Variants in RSPH14 observed in about 807,000 individuals in gnomAD.
RSPH14 encodes the protein rhabdoid tumor deletion region gene 1.
In RSPH14, 20 loss-of-function variants were observed where a neutral mutation model predicts 26.7. The observed-to-expected ratio is 0.75, with a 90% confidence interval of 0.53 to 1.09. The LOEUF is 1.09. Ranked by LOEUF, RSPH14 falls within the 50% of genes least tolerant of loss-of-function variation. The pLI, the probability that RSPH14 is intolerant of heterozygous loss-of-function variation, is 0.00. For synonymous variants in RSPH14, 177 were observed against 189.3 expected, an observed-to-expected ratio of 0.93 and a Z score of 0.53; for missense variants, 449 against 457.2, an observed-to-expected ratio of 0.98 and a Z score of 0.16.
chr22:23,064,278 C>G (rs1386389806), intron 4 of RSPH14, 145 bp from the exon 5 acceptor site: 1 of 714,416 alleles, frequency 1.4e-6, no homozygotes. Context: ...CCCACACACA[C>G]GTCCCGCCTG....
At chr22:23,142,397 C>A (rs2070620718), upstream of RSPH14, among the ~76,000 whole-genome samples, 1 of 152,078 alleles carries the variant, frequency 6.6e-6, no homozygotes, top group Non-Finnish European at 1.5e-5. Context: ...CTCACTGCAA[C>A]CTCCGCTCCA....
intron 4 of RSPH14, among the ~76,000 whole-genome samples, chr22:23,112,262 C>G (rs2069677811): frequency 6.6e-6 from 1 of 152,248 alleles, no homozygotes; most frequent in Admixed American, 6.5e-5. Flanking sequence ...GCCCCAGGCC[C>G]TGCCTGGGGG....
At position 23,117,850 on chromosome 22, in the gene RSPH14, C is replaced by G. The variant is rs117189542; in HGVS notation, c.421+16176G>C. Among the ~76,000 whole-genome samples, 318 of 152,334 alleles carry G rather than the reference C, an allele frequency of 2.1e-3. 5 individuals carry two copies. In the East Asian group the frequency reaches 0.043, roughly 20 times the overall value. On this transcript the variant is annotated intron_variant, in intron 4 of 6. Transcript: ENST00000216036. ...TGCCCCTTTGTGTCACCAGGAGAAC[C>G]TTGGTGGAGAATCAGGAGTGAGAGG... is the stretch of plus-strand genomic sequence containing the variant.
At chr22:23,123,109 G>A (rs1221941233) in intron 4 of RSPH14, 6 of 1,613,170 alleles carry the variant, frequency 3.7e-6, no homozygotes, top group East Asian at 2.2e-5. Flanking sequence ...GAGAGCTTGC[G>A]CCTCTTTGAC....
intron 4 of RSPH14, chr22:23,096,492 G>T: frequency 1.4e-6 from 2 of 1,431,526 alleles, no homozygotes; most frequent in Non-Finnish European, 1.9e-6. Flanking sequence ...GACTCGTGAG[G>T]TCCAGGACAG....
At chr22:23,146,657 G>A (rs765726662), upstream of RSPH14, 25 of 1,614,024 alleles carry the variant, frequency 1.5e-5, no homozygotes, top group South Asian at 6.6e-5. Flanking sequence ...CCTGTGAGCC[G>A]CGACCGTGTC....
At chr22:23,150,748 C>G in the RSPH14 span, among the ~76,000 whole-genome samples, 1 of 152,214 alleles carries the variant, frequency 6.6e-6, no homozygotes, top group Non-Finnish European at 1.5e-5. Flanking sequence ...CTAATCCCCT[C>G]GCTTCCCCTT....
In RSPH14 at chr22:23,130,071, GA is replaced by G. The variant is rs1193077180; in HGVS notation, c.421+3954del. On this transcript the variant is annotated intron_variant, in intron 4 of 6. Coordinates refer to ENST00000216036, the MANE Select transcript of RSPH14 (RefSeq NM_014433.3). Reference sequence around the variant, plus strand: ...AGAAAGAGAAAGAAAAAGAAAGAAAGAAAGAAAGAAAGGAAGAAAGAAAGAA... The same window carrying G: ...AGAAAGAGAAAGAAAAAGAAAGAAAGAAGAAAGAAAGGAAGAAAGAAAGAA... Among the ~76,000 whole-genome samples the G allele has an allele frequency of 3.9e-3, 113 of 28,858 alleles. 2 individuals are homozygous for G. Among genetic ancestry groups the G allele is most frequent in the Admixed American group, 0.011 (31 of 2,906 alleles). 18.9% of individuals were successfully genotyped at this position (28,858 alleles called of 152,430 possible).
chr22:23,102,251 C>G (rs1302559776), intron 4 of RSPH14, among the ~76,000 whole-genome samples: 1 of 152,236 alleles, frequency 6.6e-6, no homozygotes, highest in Non-Finnish European at 1.5e-5. Flanking sequence ...CGCCTAGGGT[C>G]CCAGGCTTTA....
At position 23,059,509 on chromosome 22, in the gene RSPH14, G is replaced by T. The variant is rs1400025831; in HGVS notation, c.1000C>A (p.Gln334Lys). The T allele has an allele frequency of 3.1e-6, 5 of 1,613,946 alleles. No homozygotes were observed. The highest frequency in any genetic ancestry group is 1.3e-5 in the African/African-American group (1 of 74,942). Residue 334 changes from glutamine (Q) to lysine (K), a missense_variant, in exon 7 of 7, where the codon CAG becomes AAG. Gln to Lys is a moderately conservative substitution (Grantham distance 53, BLOSUM62 1). Transcript: ENST00000216036. ...CTGATGGCGATCCGGGCTGCCCGCT[G>T]TAAGGCTTCGGCCACTTGAGGCTTT... ...YEKPQVAEAL[Q>K]RAARIAISVI... is the part of the protein sequence containing the mutation.
chr22:23,165,095 C>T, the RSPH14 span, among the ~76,000 whole-genome samples: 1 of 152,190 alleles, frequency 6.6e-6, no homozygotes, highest in Admixed American at 6.5e-5. Flanking sequence ...CTCCCCCACC[C>T]ATCTGTGGAA....
the RSPH14 span, among the ~76,000 whole-genome samples, chr22:23,175,904 T>C: frequency 6.6e-6 from 1 of 152,194 alleles, no homozygotes; most frequent in East Asian, 1.9e-4. Context: ...CTGAGTCTTC[T>C]CCGCTCAGAC....
At chr22:23,101,869 G>C (rs901582122) in intron 4 of RSPH14, among the ~76,000 whole-genome samples, 1 of 152,204 alleles carries the variant, frequency 6.6e-6, no homozygotes, top group African/African-American at 2.4e-5. Context: ...GCAGCACCCT[G>C]ATGGCACCTC....
At chr22:23,119,321 TG>T (rs2069939657) in intron 4 of RSPH14, among the ~76,000 whole-genome samples, 1 of 152,272 alleles carries the variant, frequency 6.6e-6, no homozygotes, top group South Asian at 2.1e-4. Context: ...CCTCTGCAGT[TG>T]ATCTTTCAGA....
intron 4 of RSPH14, among the ~76,000 whole-genome samples, chr22:23,094,612 G>A (rs2069072741): frequency 6.6e-6 from 1 of 152,218 alleles, no homozygotes; most frequent in Non-Finnish European, 1.5e-5. Context: ...GGCAGCCCCT[G>A]CCCACTGTGC....
At chr22:23,091,251 C>A (rs2068963864) in intron 4 of RSPH14, among the ~76,000 whole-genome samples, 1 of 152,216 alleles carries the variant, frequency 6.6e-6, no homozygotes, top group Non-Finnish European at 1.5e-5. Flanking sequence ...TACAAGCAAC[C>A]AGACACAGAC....
intron 4 of RSPH14, chr22:23,131,450 G>A: frequency 5.0e-6 from 2 of 403,980 alleles, no homozygotes; most frequent in South Asian, 2.2e-5. Flanking sequence ...CTGTACCTAT[G>A]ATTTCTTCAA....
chr22:23,163,599 G>C, the RSPH14 span: 1 of 128,734 alleles, frequency 7.8e-6, no homozygotes, highest in African/African-American at 2.9e-5. Flanking sequence ...TAAAATACAA[G>C]GTGAAAGCCC....
chr22:23,143,699 G>A (rs1302189626), upstream of RSPH14, among the ~76,000 whole-genome samples: 1 of 152,104 alleles, frequency 6.6e-6, no homozygotes, highest in Non-Finnish European at 1.5e-5. Flanking sequence ...ATCCCCATGC[G>A]CATGTAAAAC....
Sources: allele counts gnomAD v4.1 joint callset (sites outside exome capture counted in the v4.1 genomes callset), GRCh38; gene constraint gnomAD v4.1.1; transcripts MANE v1.5; gene names NCBI Gene and HGNC (gene_info 2026-07-23, HGNC 2026-07-21).